The following POLQ variants were observed in gnomAD, a reference collection of about 807,000 sequenced individuals.
The protein encoded by POLQ is epididymis secretory sperm binding protein.
POLQ carries 233 observed loss-of-function variants against 259.2 expected under a neutral mutation model. The ratio of observed to expected loss-of-function variants is 0.90; its 90% CI spans 0.81 to 1.00. POLQ has a LOEUF of 1.00. Ranked by LOEUF, POLQ falls within the 50% of genes least tolerant of loss-of-function variation. The probability of loss-of-function intolerance (pLI) is 0.00; values close to 1 mark genes in which losing one functional copy is unlikely to be tolerated. For synonymous variants in POLQ, 1,025 were observed against 1,048.8 expected (o/e 0.98, Z 0.44); for missense variants, 2,871 against 3,051.6 (o/e 0.94, Z 1.39).
At chr3:121,507,852 A>G (rs1410534880) in intron 12 of POLQ, among the ~76,000 whole-genome samples, 3 of 151,730 alleles carry the variant, frequency 2.0e-5, no homozygotes, top group Non-Finnish European at 4.4e-5. Flanking sequence ...TCTCACTTAT[A>G]TTTTTTTGCT....
rs778901078 is a variant in POLQ, at chr3:121,481,616, G to A, written c.6167C>T (p.Ser2056Phe). ...ASVESILIFN[S>F]MNQLNSLLQK... ...CAACAAAGAGTTGAGCTGATTCATA[G>A]AGTTGAAGATGAGAATGGACTCCAC... The change falls in exon 19 of 30, where the codon TCT becomes TTT. Residue 2056 changes from serine to phenylalanine, a missense_variant. Physicochemically the swap from Ser to Phe is radical, Grantham distance 155 (BLOSUM62 -2). Around this residue, in one of 3 missense-constraint regions of POLQ, gnomAD observed 2,080 missense variants for 2,126.0 expected, o/e 0.98. Transcript: ENST00000264233. 1 of 1,613,058 alleles carries A rather than the reference G, an allele frequency of 6.2e-7. No individual in the cohort carries two copies. Among genetic ancestry groups the A allele is most frequent in the South Asian group, 1.1e-5 (1 of 90,812 alleles).
chr3:121,533,958 G>C (rs1468224995), intron 5 of POLQ, among the ~76,000 whole-genome samples: 1 of 128,068 alleles, frequency 7.8e-6, no homozygotes, highest in Admixed American at 9.9e-5. Flanking sequence ...CTCACTGCAA[G>C]CTCCGTCTCC....
chr3:121,480,909 A>G (rs754517147), intron 19 of POLQ, among the ~76,000 whole-genome samples: 1 of 152,196 alleles, frequency 6.6e-6, no homozygotes, highest in African/African-American at 2.4e-5. Flanking sequence ...TGATTAGTCA[A>G]TAAATTCGGT....
At chr3:121,454,151 G>A (rs542601238) in intron 25 of POLQ, among the ~76,000 whole-genome samples, 1 of 152,270 alleles carries the variant, frequency 6.6e-6, no homozygotes, top group South Asian at 2.1e-4. Flanking sequence ...AAGTGAAGGA[G>A]AAATACAATC....
chr3:121,514,889 G>A (rs988593991), intron 9 of POLQ, among the ~76,000 whole-genome samples: 3 of 152,138 alleles, frequency 2.0e-5, no homozygotes, highest in Admixed American at 6.5e-5. Flanking sequence ...CAGGCCCAGC[G>A]TCAAAGCTCA....
At chr3:121,490,501 T>G in intron 15 of POLQ, 93 bp from the exon 16 acceptor site, 1 of 997,756 alleles carries the variant, frequency 1.0e-6, no homozygotes, top group Non-Finnish European at 1.5e-6. Flanking sequence ...TACCAGGAAC[T>G]GAAAAAATAA....
At chr3:121,523,440 G>A (rs915722410) in intron 7 of POLQ, among the ~76,000 whole-genome samples, 41 of 152,164 alleles carry the variant, frequency 2.7e-4, no homozygotes, top group African/African-American at 7.9e-4. Flanking sequence ...GGCTGGGCAC[G>A]GTGGCTGACA....
At chr3:121,432,875 G>A in intron 29 of POLQ, 43 bp downstream of exon 29, 1 of 1,135,332 alleles carries the variant, frequency 8.8e-7, no homozygotes, top group Non-Finnish European at 1.3e-6. Flanking sequence ...ACAATACAGT[G>A]TCTTGTCTTC....
rs770654590 is a variant in POLQ, at chr3:121,487,874, TCC to T, written c.5055_5056del (p.Glu1686AspfsTer12). The T allele has an allele frequency of 1.1e-5, 17 of 1,610,460 alleles. No homozygotes were observed. Among genetic ancestry groups the T allele is most frequent in the Non-Finnish European group, 1.4e-5 (17 of 1,178,688 alleles). ...TGAAATTCCCTGCACTTGTTTTGTCTCCAAGTTTGAAATAACTTCTTGTTCTT... is the reference window on the plus strand; with the variant it reads ...TGAAATTCCCTGCACTTGTTTTGTCTAAGTTTGAAATAACTTCTTGTTCTT... On this transcript the variant is annotated frameshift_variant, in exon 16 of 30. Transcript: ENST00000264233. LOFTEE classifies it high-confidence loss of function.
rs772220366 is a variant in POLQ at position 121,487,579 on chromosome 3, A to G, written c.5352T>C (p.Asp1784=). Residue 1784 remains aspartate, a synonymous_variant, in exon 16 of 30, where the codon GAT becomes GAC. Coordinates refer to ENST00000264233, the MANE Select transcript of POLQ (RefSeq NM_199420.4). ...ACCCATTTCTACTCCCTGGACTTAA[A>G]TCGTGGTTTTTAATATCTGAAGGTG... The part of the protein sequence containing the change: ...FGSPSDIKNH[D]LSPGSRNGFK... 1.5e-5 allele frequency: 24 copies of G among 1,614,096 alleles called. No homozygotes were observed. The highest frequency in any genetic ancestry group is 2.2e-5 in the South Asian group (2 of 91,076).
rs756702989 is a variant in POLQ at position 121,473,439 on chromosome 3, G to A, written c.6454C>T (p.Gln2152Ter). Residue 2152 changes from glutamine (Q) to a stop codon, truncating the protein, a stop_gained, in exon 21 of 30, where the codon CAA becomes TAA. Coordinates refer to ENST00000264233, the MANE Select transcript of POLQ (RefSeq NM_199420.4). LOFTEE classifies it high-confidence loss of function. ...GAACCCAGAGTTTTCTTGCTGCCTTGGTTTTTCATCTCTCTATTTGGGGGC... is the reference window on the plus strand; with the variant it reads ...GAACCCAGAGTTTTCTTGCTGCCTTAGTTTTTCATCTCTCTATTTGGGGGC... ...KLPPNREMKN[Q>*]GSKKTLGSTR... 4 of 1,613,292 alleles carry A rather than the reference G, an allele frequency of 2.5e-6. No homozygotes were observed. Among genetic ancestry groups the A allele is most frequent in the Non-Finnish European group, 3.4e-6 (4 of 1,179,540 alleles).
At position 121,483,586 on chromosome 3, in the gene POLQ, TAAAAAAAA is replaced by T; in HGVS notation, c.5774-12_5774-5del. The stretch of plus-strand genomic sequence containing the variant: ...GGAACCAAACTGGCACTAATTTCTT[TAAAAAAAA>T]AAAAAAAAAGGAAAAAACATTTTTA... On this transcript the variant is annotated splice_region_variant and splice_polypyrimidine_tract_variant and intron_variant, in intron 17 of 29. Transcript: ENST00000264233. 2 of 1,277,416 alleles carry T rather than the reference TAAAAAAAA, an allele frequency of 1.6e-6. No homozygotes were observed. The highest frequency in any genetic ancestry group is 2.1e-6 in the Non-Finnish European group (2 of 969,100). The allele number at this position is 1,277,416 out of a possible 1,614,324, so 79.1% of individuals were successfully genotyped here.
chr3:121,536,021 A>G (rs2048448146), intron 5 of POLQ, among the ~76,000 whole-genome samples: 1 of 152,198 alleles, frequency 6.6e-6, no homozygotes, highest in Non-Finnish European at 1.5e-5. Context: ...TAGAATACAC[A>G]ACTGGGGAGG....
In POLQ at chr3:121,539,463, G is replaced by A. The variant is rs2048473722; in HGVS notation, c.601C>T (p.Leu201Phe). The A allele has an allele frequency of 1.9e-6, 3 of 1,608,792 alleles. No individual in the cohort carries two copies. The highest frequency in any genetic ancestry group is 1.7e-6 in the Non-Finnish European group (2 of 1,178,470). ...AGATCCATCTTATTTTCCTCTATGA[G>A]GCGATTGATCAGACCATTGGCTCTC... ...IERANGLINR[L>F]IEENKMDLLG... Residue 201 changes from leucine to phenylalanine, a missense_variant, in exon 4 of 30, where the codon CTC (leucine) becomes TTC (phenylalanine). By Grantham distance (22) the Leu-to-Phe change is conservative (BLOSUM62 0). This residue lies in a region of POLQ where 783 missense variants were observed against 906.2 expected (regional missense o/e 0.86). Coordinates refer to ENST00000264233, the MANE Select transcript of POLQ (RefSeq NM_199420.4).
At chr3:121,459,369 A>ATTTTTTTTTTTTTTTTTTTT (rs58859161) in intron 25 of POLQ, among the ~76,000 whole-genome samples, 10 of 104,736 alleles carry the variant, frequency 9.5e-5, no homozygotes, top group African/African-American at 1.4e-4. Context: ...GACTAGAAAG[A>ATTTTTTTTTTTTTTTTTTTT]TTTTTTTTTT....
chr3:121,504,421 GC>G (rs2048194354), intron 12 of POLQ, among the ~76,000 whole-genome samples: 1 of 152,156 alleles, frequency 6.6e-6, no homozygotes, highest in Non-Finnish European at 1.5e-5. Flanking sequence ...CCAAAGTAAA[GC>G]CCAGGCCCAA....
chr3:121,448,928 T>C (rs1023065124), intron 26 of POLQ, among the ~76,000 whole-genome samples: 1 of 152,206 alleles, frequency 6.6e-6, no homozygotes, highest in African/African-American at 2.4e-5. Context: ...AACTGCTCTA[T>C]AACAGCAATT....
intron 9 of POLQ, among the ~76,000 whole-genome samples, chr3:121,515,023 G>A (rs1305398115): frequency 2.0e-5 from 3 of 152,146 alleles, no homozygotes; most frequent in Non-Finnish European, 4.4e-5. Flanking sequence ...CCTGCCCCAG[G>A]TGGAAGATGC....
At chr3:121,536,383 A>C (rs1484687724) in intron 5 of POLQ, among the ~76,000 whole-genome samples, 7 of 152,200 alleles carry the variant, frequency 4.6e-5, no homozygotes, top group Non-Finnish European at 8.8e-5. Context: ...AATTTAAAAA[A>C]TTAAGTAGCC....
Sources: allele counts gnomAD v4.1 joint callset (sites outside exome capture counted in the v4.1 genomes callset), GRCh38; gene constraint gnomAD v4.1.1; regional missense constraint gnomAD v4.1.1; transcripts MANE v1.5; gene names NCBI Gene and HGNC (gene_info 2026-07-23, HGNC 2026-07-21).